CDH22: variants seen among roughly 807,000 people sequenced by gnomAD.
CDH22 encodes the protein cadherin-22.
CDH22 carries 30 observed loss-of-function variants against 58.4 expected under a neutral mutation model. The observed-to-expected ratio is 0.51, with a 90% CI of 0.38 to 0.70. The LOEUF (loss-of-function observed/expected upper bound fraction) is 0.70, where lower values mean the gene tolerates loss of function less well. Among genes scored for constraint, CDH22 ranks in the 30% least tolerant of loss-of-function variants. CDH22 has a pLI of 0.00. For synonymous variants in CDH22, 513 were observed against 558.2 expected (o/e 0.92, Z 1.14); for missense variants, 1,014 against 1,233.9 (o/e 0.82, Z 2.67).
At chr20:46,292,026 A>G (rs2086605815) in intron 1 of CDH22, among the ~76,000 whole-genome samples, 1 of 152,194 alleles carries the variant, frequency 6.6e-6, no homozygotes, top group Non-Finnish European at 1.5e-5. Context: ...CTCCCACCCC[A>G]ATGGAGAATG....
chr20:46,295,244 GT>G (rs1168029129), intron 1 of CDH22, among the ~76,000 whole-genome samples: 1 of 152,164 alleles, frequency 6.6e-6, no homozygotes, highest in African/African-American at 2.4e-5. Context: ...CAGAAAAAAT[GT>G]TTTTGCTTTG....
At position 46,203,432 on chromosome 20, in the gene CDH22, G is replaced by A. The variant is rs118086506; in HGVS notation, c.1287-3873C>T. Among the ~76,000 whole-genome samples, 350 of 152,256 alleles carry A rather than the reference G, an allele frequency of 2.3e-3. 11 individuals are homozygous for A. In the East Asian group the frequency reaches 0.063, roughly 27 times the overall value. On this transcript the variant is annotated intron_variant, in intron 7 of 11. Transcript: ENST00000537909. ...GTGGACAGTGTGTGTTTTGTGTGGC[G>A]TGAATATGTGAGTGGTGTTCCTGTG...
At chr20:46,204,284 C>T (rs983906349) in intron 7 of CDH22, among the ~76,000 whole-genome samples, 1 of 151,258 alleles carries the variant, frequency 6.6e-6, no homozygotes, top group South Asian at 2.1e-4. Flanking sequence ...ATCCCAGCTA[C>T]TCATGAGGCT....
chr20:46,287,590 G>A (rs2086581928), intron 1 of CDH22, among the ~76,000 whole-genome samples: 2 of 152,010 alleles, frequency 1.3e-5, no homozygotes, highest in South Asian at 4.2e-4. Flanking sequence ...GGGGAGGTTG[G>A]CACGTCAGGA....
chr20:46,193,967 AAC>A (rs958493176), intron 8 of CDH22, among the ~76,000 whole-genome samples: 9 of 152,154 alleles, frequency 5.9e-5, no homozygotes, highest in African/African-American at 2.2e-4. Context: ...AAGCCTGGGT[AAC>A]AGAGTGAGAG....
At chr20:46,179,172 T>G (rs930909944) in intron 10 of CDH22, among the ~76,000 whole-genome samples, 2 of 152,252 alleles carry the variant, frequency 1.3e-5, no homozygotes, top group South Asian at 4.1e-4. Context: ...GTTCTGCACA[T>G]GCAGGGGTAC....
intron 1 of CDH22, among the ~76,000 whole-genome samples, chr20:46,281,022 A>C (rs1669534263): frequency 6.6e-6 from 1 of 152,208 alleles, no homozygotes; most frequent in Non-Finnish European, 1.5e-5. Context: ...CCACAATCTA[A>C]CTGGGGTAGC....
At chr20:46,189,301 G>A (rs535819020) in intron 8 of CDH22, among the ~76,000 whole-genome samples, 10 of 152,204 alleles carry the variant, frequency 6.6e-5, no homozygotes, top group Admixed American at 5.2e-4. Context: ...CGGGTGAACC[G>A]TTATTTTTAA....
In CDH22 at chr20:46,241,724, C is replaced by T. The variant is rs562900661; in HGVS notation, c.256-467G>A. 2.6e-5 allele frequency among the ~76,000 whole-genome samples: 4 copies of T among 152,160 alleles called. No homozygotes were observed. In the South Asian group the frequency reaches 8.3e-4, roughly 32 times the overall value. Reference sequence around the variant, plus strand: ...ATGCCACCTCTTTCAGAAAGCTTTTCTGGATCCTCAGTCTCCCCCTGCCCC... The same window carrying T: ...ATGCCACCTCTTTCAGAAAGCTTTTTTGGATCCTCAGTCTCCCCCTGCCCC... On this transcript the variant is annotated intron_variant, in intron 2 of 11. Coordinates refer to ENST00000537909, the MANE Select transcript of CDH22 (RefSeq NM_021248.3). The surrounding 1 kb of genome is among the most constrained non-coding windows in gnomAD (Gnocchi z 5.2).
chr20:46,214,935 C>T (rs370670077), intron 5 of CDH22, among the ~76,000 whole-genome samples: 8 of 152,322 alleles, frequency 5.3e-5, no homozygotes, highest in South Asian at 4.1e-4. Flanking sequence ...GCCAGGCTGT[C>T]GCATAAATGA....
Position 46,199,509 on chromosome 20 carries a change from G to A in CDH22, c.1337C>T (p.Ala446Val). 6.2e-7 allele frequency: 1 copy of A among 1,613,772 alleles called. No individual in the cohort carries two copies. Among genetic ancestry groups the A allele is most frequent in the Non-Finnish European group, 8.5e-7 (1 of 1,179,914 alleles). The change falls in exon 8 of 12, where the codon GCG becomes GTG. Residue 446 changes from alanine to valine, a missense_variant. By Grantham distance (64) the Ala-to-Val change is moderately conservative. Transcript: ENST00000537909. ...GCCAGTCACGATGGCGCCTGTGTCC[G>A]CATCGATATCGAAGATCTGGTCCAA... ...SDLDQIFDIDADTGAIVTGKG... is the reference protein window; with the variant it reads ...SDLDQIFDIDVDTGAIVTGKG...
At chr20:46,243,075 C>T (rs932611163) in intron 2 of CDH22, among the ~76,000 whole-genome samples, 1 of 152,182 alleles carries the variant, frequency 6.6e-6, no homozygotes, top group East Asian at 1.9e-4. Flanking sequence ...CCTCTCTAAG[C>T]TTCCATGGAG....
intron 1 of CDH22, among the ~76,000 whole-genome samples, chr20:46,279,641 T>C (rs1287307088): frequency 1.3e-5 from 2 of 152,210 alleles, no homozygotes; most frequent in Non-Finnish European, 2.9e-5. Context: ...TCTGCAGTGA[T>C]ACATACTAAG....
intron 7 of CDH22, among the ~76,000 whole-genome samples, chr20:46,206,121 G>A (rs1362197199): frequency 6.6e-6 from 1 of 152,174 alleles, no homozygotes; most frequent in African/African-American, 2.4e-5. Context: ...CCATGTCTGA[G>A]GCCATCATCT....
At chr20:46,228,717 G>A (rs2086198393) in intron 3 of CDH22, among the ~76,000 whole-genome samples, 1 of 152,180 alleles carries the variant, frequency 6.6e-6, no homozygotes, top group Non-Finnish European at 1.5e-5. Flanking sequence ...CCCCACCTCA[G>A]AGAGATGCCC....
chr20:46,307,197 A>G (rs1271229779), intron 1 of CDH22, among the ~76,000 whole-genome samples: 1 of 152,222 alleles, frequency 6.6e-6, no homozygotes, highest in Non-Finnish European at 1.5e-5. Flanking sequence ...AGACCTGAGC[A>G]GCTTCAAACA....
chr20:46,226,188 C>T (rs545361851), intron 4 of CDH22, among the ~76,000 whole-genome samples: 1 of 152,288 alleles, frequency 6.6e-6, no homozygotes, highest in East Asian at 1.9e-4. Flanking sequence ...GAGCCATACC[C>T]TGTACCTGGA....
chr20:46,217,788 C>A lies in CDH22; in HGVS notation c.671-795G>T, dbSNP rs375074393. On this transcript the variant is annotated intron_variant, in intron 4 of 11. Transcript: ENST00000537909. Reference sequence around the variant, plus strand: ...AAATACACACTCAATGATCCACACACATTCACACATACTCTCAAATACACA... The same window carrying A: ...AAATACACACTCAATGATCCACACAAATTCACACATACTCTCAAATACACA... Among the ~76,000 whole-genome samples, 16 of 152,256 alleles carry A rather than the reference C, an allele frequency of 1.1e-4. No homozygotes were observed. The East Asian group carries it at 2.9e-3, about 28-fold the overall frequency.
chr20:46,187,167 C>T (rs2085832703), intron 8 of CDH22, among the ~76,000 whole-genome samples: 1 of 152,036 alleles, frequency 6.6e-6, no homozygotes, highest in African/African-American at 2.4e-5. Flanking sequence ...GCACCATTGG[C>T]ATTATCACTA....
Sources: allele counts gnomAD v4.1 joint callset (sites outside exome capture counted in the v4.1 genomes callset), GRCh38; gene constraint gnomAD v4.1.1; non-coding constraint Gnocchi (gnomAD v3.1); transcripts MANE v1.5; gene names NCBI Gene and HGNC (gene_info 2026-07-23, HGNC 2026-07-21).